PSMD14: variants seen among roughly 807,000 people sequenced by gnomAD.
The protein encoded by PSMD14 is ubiquitin C-terminal hydrolase PSMD14.
In PSMD14, 7 loss-of-function variants were observed where a neutral mutation model predicts 41.2. That is an observed-to-expected ratio of 0.17 (90% CI 0.10 to 0.32). The LOEUF is 0.32. Ranked by LOEUF, PSMD14 falls within the 10% of genes least tolerant of loss-of-function variation. The probability of loss-of-function intolerance (pLI) is 1.00; values close to 1 mark genes in which losing one functional copy is unlikely to be tolerated. For synonymous variants in PSMD14, 114 were observed against 122.3 expected, an observed-to-expected ratio of 0.93 and a Z score of 0.45; for missense variants, 139 against 375.6, an observed-to-expected ratio of 0.37 and a Z score of 5.21.
At chr2:161,407,617 A>G (rs1051554881) in intron 10 of PSMD14, 4 of 152,126 alleles carry the variant, frequency 2.6e-5, no homozygotes, top group Non-Finnish European at 5.9e-5. Context: ...TTCCCAGTTT[A>G]TGGGGAATGT....
intron 8 of PSMD14, among the ~76,000 whole-genome samples, chr2:161,390,104 T>C (rs563280462): frequency 6.6e-6 from 1 of 151,842 alleles, no homozygotes; most frequent in South Asian, 2.1e-4. Context: ...TTAGAAGATG[T>C]AATGTGTAAA....
intron 3 of PSMD14, among the ~76,000 whole-genome samples, chr2:161,322,834 T>TA (rs1484419659): frequency 6.6e-6 from 1 of 152,200 alleles, no homozygotes; most frequent in East Asian, 1.9e-4. Context: ...GGCTAGTAGG[T>TA]AAAAAAGGAA....
At position 161,367,501 on chromosome 2, in the gene PSMD14, A is replaced by C. The variant is rs1325976078; in HGVS notation, c.72A>C (p.Ala24=). ...AGGGGCCACCTACAGATGCTCCTGC[A>C]GTGGACACAGCAGAACAAGTCTATA... ...LGQGPPTDAP[A]VDTAEQVYIS... is the part of the protein sequence containing the mutation. Residue 24 remains alanine (A), a synonymous_variant, in exon 4 of 12, where the codon GCA becomes GCC. Coordinates refer to ENST00000409682, the MANE Select transcript of PSMD14 (RefSeq NM_005805.6). 1 of 1,600,486 alleles carries C rather than the reference A, an allele frequency of 6.2e-7. No individual in the cohort carries two copies. Among genetic ancestry groups the C allele is most frequent in the Admixed American group, 1.7e-5 (1 of 58,434 alleles).
chr2:161,387,487 A>C (rs959554377), intron 8 of PSMD14, among the ~76,000 whole-genome samples: 5 of 152,080 alleles, frequency 3.3e-5, no homozygotes, highest in African/African-American at 9.6e-5. Context: ...CCATCAGCTC[A>C]CATGCTGGTG....
chr2:161,401,633 C>T (rs1379293021), intron 10 of PSMD14, among the ~76,000 whole-genome samples: 1 of 152,168 alleles, frequency 6.6e-6, no homozygotes. Flanking sequence ...TACATATATA[C>T]ACACACAAGC....
chr2:161,410,496 A>G (rs2105274906), intron 11 of PSMD14, among the ~76,000 whole-genome samples: 1 of 152,104 alleles, frequency 6.6e-6, no homozygotes, highest in South Asian at 2.1e-4. Context: ...AAGCTCTGAA[A>G]TTTTGCTCAA....
At chr2:161,329,564 TTAG>T in intron 3 of PSMD14, among the ~76,000 whole-genome samples, 1 of 152,228 alleles carries the variant, frequency 6.6e-6, no homozygotes, top group South Asian at 2.1e-4. Context: ...TTTCTAAACA[TTAG>T]TAGATTAATT....
chr2:161,349,442 A>T (rs571165426), intron 3 of PSMD14, among the ~76,000 whole-genome samples: 1 of 152,216 alleles, frequency 6.6e-6, no homozygotes, highest in East Asian at 1.9e-4. Context: ...GCATTTATTT[A>T]TAAAGAGATT....
intron 7 of PSMD14, chr2:161,382,080 T>C (rs1308310822): frequency 3.3e-5 from 5 of 151,842 alleles, no homozygotes; most frequent in Middle Eastern, 3.2e-3. Flanking sequence ...ATGTGTACAA[T>C]TCACAAATTT....
intron 10 of PSMD14, among the ~76,000 whole-genome samples, chr2:161,407,284 A>T (rs1683959989): frequency 6.6e-6 from 1 of 152,170 alleles, no homozygotes; most frequent in African/African-American, 2.4e-5. Context: ...GTTAGGAAAT[A>T]CTTTTATAAC....
chr2:161,312,248 A>G (rs1445486005), intron 1 of PSMD14, among the ~76,000 whole-genome samples: 7 of 150,940 alleles, frequency 4.6e-5, no homozygotes. Flanking sequence ...GGTTCAAGTG[A>G]TTCTCCTGCC....
intron 10 of PSMD14, among the ~76,000 whole-genome samples, chr2:161,401,534 A>C (rs557747528): frequency 6.6e-6 from 1 of 152,348 alleles, no homozygotes; most frequent in Non-Finnish European, 1.5e-5. Context: ...GTTACAGCAG[A>C]AGAAGGGGAA....
intron 3 of PSMD14, among the ~76,000 whole-genome samples, chr2:161,357,645 C>T (rs995269808): frequency 2.0e-5 from 3 of 152,068 alleles, no homozygotes; most frequent in African/African-American, 7.2e-5. Flanking sequence ...TTCCAATTTT[C>T]AAATGGTAAT....
At chr2:161,360,598 G>A (rs910940320) in intron 3 of PSMD14, among the ~76,000 whole-genome samples, 7 of 151,986 alleles carry the variant, frequency 4.6e-5, no homozygotes, top group South Asian at 2.1e-4. Flanking sequence ...CAGGTGATCC[G>A]CTTGCCTCTG....
In PSMD14 at chr2:161,312,995, G is replaced by A. The variant is rs532544191; in HGVS notation, c.-137-3442G>A. 2.0e-5 allele frequency among the ~76,000 whole-genome samples: 3 copies of A among 152,274 alleles called. No individual in the cohort carries two copies. The South Asian group carries it at 6.2e-4, about 32-fold the overall frequency. ...TGACAGTAGCTAGTGTTTATTATAT[G>A]CTTACTATATGATAAGCATTGTGTT... On this transcript the variant is annotated intron_variant, in intron 1 of 11. Coordinates refer to ENST00000409682, the MANE Select transcript of PSMD14 (RefSeq NM_005805.6).
At chr2:161,359,302 A>G (rs1409051773) in intron 3 of PSMD14, among the ~76,000 whole-genome samples, 2 of 152,162 alleles carry the variant, frequency 1.3e-5, no homozygotes, top group Non-Finnish European at 2.9e-5. Context: ...CATTAATACT[A>G]AGAATATAAT....
At chr2:161,348,132 TGAA>T (rs1165754348) in intron 3 of PSMD14, among the ~76,000 whole-genome samples, 3 of 152,246 alleles carry the variant, frequency 2.0e-5, no homozygotes, top group African/African-American at 7.2e-5. Context: ...CTGTTAACAA[TGAA>T]GATTTGACTA....
intron 3 of PSMD14, among the ~76,000 whole-genome samples, chr2:161,323,104 C>T (rs1682634464): frequency 6.6e-6 from 1 of 152,170 alleles, no homozygotes; most frequent in African/African-American, 2.4e-5. Flanking sequence ...ATAGCTTAAA[C>T]TCCATAATCT....
chr2:161,402,375 TGCCTGTAA>T (rs1683892074), intron 10 of PSMD14, among the ~76,000 whole-genome samples: 1 of 152,158 alleles, frequency 6.6e-6, no homozygotes, highest in Admixed American at 6.5e-5. Flanking sequence ...TGGTGGCACA[TGCCTGTAA>T]GCCCAGCACT....
Sources: gnomAD v4.1 joint callset for allele counts (sites outside exome capture counted in the v4.1 genomes callset) on GRCh38, gnomAD v4.1.1 for gene constraint, MANE v1.5 for transcripts, NCBI Gene and HGNC (gene_info 2026-07-23, HGNC 2026-07-21) for gene names.